The following LPP variants were observed in gnomAD, a reference collection of about 807,000 sequenced individuals.
LPP encodes the protein lipoma-preferred partner.
LPP carries 38 observed loss-of-function variants against 60.4 expected under a neutral mutation model. The ratio of observed to expected loss-of-function variants is 0.63; its 90% CI spans 0.49 to 0.83. The LOEUF is 0.83. Ranked by LOEUF, LPP falls within the 40% of genes least tolerant of loss-of-function variation. The pLI, the probability that LPP is intolerant of heterozygous loss-of-function variation, is 0.00. For synonymous variants in LPP, 328 were observed against 290.8 expected (o/e 1.13, Z -1.30); for missense variants, 902 against 783.6 (o/e 1.15, Z -1.80).
chr3:188,722,145 G>A (rs539841870), intron 8 of LPP, among the ~76,000 whole-genome samples: 17 of 152,202 alleles, frequency 1.1e-4, no homozygotes, highest in African/African-American at 3.4e-4. Flanking sequence ...TTTATGAGAG[G>A]GTCACTGCCT....
intron 6 of LPP, among the ~76,000 whole-genome samples, chr3:188,556,473 G>A (rs1033088029): frequency 6.6e-6 from 1 of 152,020 alleles, no homozygotes; most frequent in Non-Finnish European, 1.5e-5. Flanking sequence ...GTTAGCTCTA[G>A]TGATTAAGAA....
chr3:188,744,705 C>T (rs1477733746), intron 8 of LPP, among the ~76,000 whole-genome samples: 2 of 152,276 alleles, frequency 1.3e-5, no homozygotes, highest in Middle Eastern at 3.4e-3. Flanking sequence ...GCCTCCCAAC[C>T]TCCTTTCCCC....
chr3:188,512,558 T>TATAAATAAATAAATAA lies in LPP; in HGVS notation c.307-12085_307-12070dup, dbSNP rs10663448. Reference sequence around the variant, plus strand: ...TGGGCAACAAGAGCAAAACCCGGTCTATAAATAAATAAATAAATAAATAAA... The same window carrying TATAAATAAATAAATAA: ...TGGGCAACAAGAGCAAAACCCGGTCTATAAATAAATAAATAAATAAATAAATAAATAAATAAATAAA... On this transcript the variant is annotated intron_variant, in intron 5 of 11. Coordinates refer to ENST00000617246, the MANE Select transcript of LPP (RefSeq NM_001375462.1). Among the ~76,000 whole-genome samples the TATAAATAAATAAATAA allele has an allele frequency of 8.9e-3, 1,248 of 140,714 alleles. 10 individuals are homozygous for TATAAATAAATAAATAA. Among genetic ancestry groups the TATAAATAAATAAATAA allele is most frequent in the African/African-American group, 0.012 (445 of 37,774 alleles). 92.3% of individuals were successfully genotyped at this position (140,714 alleles called of 152,430 possible).
At chr3:188,668,460 T>C (rs1856269250) in intron 7 of LPP, among the ~76,000 whole-genome samples, 1 of 152,232 alleles carries the variant, frequency 6.6e-6, no homozygotes, top group Admixed American at 6.5e-5. Context: ...GTTTGGAAGA[T>C]TTGTAGGTGC....
rs2149829747 is a variant in LPP at position 188,274,827 on chromosome 3, A to G, written c.-67+49300A>G. On this transcript the variant is annotated intron_variant, in intron 2 of 11. Coordinates refer to ENST00000617246, the MANE Select transcript of LPP (RefSeq NM_001375462.1). Reference sequence around the variant, plus strand: ...GGATTGGTTGAGACTGACCCTTGTCACTGTTTTGTAATAAGCAGTTTCACC... The same window carrying G: ...GGATTGGTTGAGACTGACCCTTGTCGCTGTTTTGTAATAAGCAGTTTCACC... 1.3e-5 allele frequency among the ~76,000 whole-genome samples: 2 copies of G among 152,316 alleles called. 1 individual carries two copies. The highest frequency in any genetic ancestry group is 3.9e-4 in the East Asian group (2 of 5,186).
intron 8 of LPP, among the ~76,000 whole-genome samples, chr3:188,753,842 C>A (rs894691085): frequency 6.6e-6 from 1 of 151,884 alleles, no homozygotes; most frequent in South Asian, 2.1e-4. Flanking sequence ...ACATTGGAGC[C>A]ACCTTTCCCC....
intron 7 of LPP, among the ~76,000 whole-genome samples, chr3:188,707,926 G>C (rs909236815): frequency 3.9e-5 from 6 of 152,102 alleles, no homozygotes; most frequent in African/African-American, 7.2e-5. Flanking sequence ...TCACTTCACT[G>C]TAAGGTTCAT....
At position 188,351,356 on chromosome 3, in the gene LPP, C is replaced by G. The variant is rs76010761; in HGVS notation, c.-10+9637C>G. Among the ~76,000 whole-genome samples the G allele has an allele frequency of 6.9e-3, 1,045 of 152,244 alleles. 11 individuals are homozygous for G. Among genetic ancestry groups the G allele is most frequent in the African/African-American group, 0.023 (953 of 41,530 alleles). On this transcript the variant is annotated intron_variant, in intron 3 of 11. Coordinates refer to ENST00000617246, the MANE Select transcript of LPP (RefSeq NM_001375462.1). Reference sequence around the variant, plus strand: ...GGAAGAAATGACTTACTTAAATTTGCCTGCATAGTTAGTGGCAGTTCTGCA... The same window carrying G: ...GGAAGAAATGACTTACTTAAATTTGGCTGCATAGTTAGTGGCAGTTCTGCA...
chr3:188,348,694 C>G (rs1301589118), intron 3 of LPP, among the ~76,000 whole-genome samples: 2 of 152,222 alleles, frequency 1.3e-5, no homozygotes, highest in Non-Finnish European at 2.9e-5. Context: ...TCAGATCATA[C>G]TCTAGAACTT....
At chr3:188,698,663 G>A (rs553149632) in intron 7 of LPP, among the ~76,000 whole-genome samples, 15 of 152,268 alleles carry the variant, frequency 9.9e-5, no homozygotes, top group Non-Finnish European at 1.9e-4. Flanking sequence ...TTGCCTACCC[G>A]GCAGGATAAC....
chr3:188,835,858 C>A (rs1758322646), intron 9 of LPP, among the ~76,000 whole-genome samples: 1 of 152,110 alleles, frequency 6.6e-6, no homozygotes, highest in Admixed American at 6.5e-5. Context: ...AGCCTTCTGC[C>A]CAGTCTTTAT....
At chr3:188,521,231 G>C (rs1207585895) in intron 5 of LPP, among the ~76,000 whole-genome samples, 1 of 152,148 alleles carries the variant, frequency 6.6e-6, no homozygotes, top group Admixed American at 6.5e-5. Flanking sequence ...AAATCACACA[G>C]CATTAGACTG....
chr3:188,664,295 C>T (rs1855274061), intron 7 of LPP, among the ~76,000 whole-genome samples: 2 of 152,180 alleles, frequency 1.3e-5, no homozygotes, highest in Non-Finnish European at 2.9e-5. Context: ...AGAGATAAAG[C>T]TCTGTGAAGA....
At position 188,887,094 on chromosome 3, in the gene LPP, G is replaced by A. The variant is rs1039720367; in HGVS notation, c.*12615G>A. 4 of 229,350 alleles carry A rather than the reference G, an allele frequency of 1.7e-5. No homozygotes were observed. Among genetic ancestry groups the A allele is most frequent in the East Asian group, 6.2e-5 (1 of 16,102 alleles). The allele number at this position is 229,350 out of a possible 1,614,324, so 14.2% of individuals were successfully genotyped here. A position where few individuals can be genotyped will look rare whatever the true frequency, so the allele number is the denominator to read the frequency against. On this transcript the variant is annotated 3_prime_UTR_variant, in exon 12 of 12. Transcript: ENST00000617246. ...TATGGTGCCTGCTGTGCTTTATCCC[G>A]AGGCATAGCAGTAATCGTTACTATC... is the stretch of plus-strand genomic sequence containing the variant.
intron 9 of LPP, among the ~76,000 whole-genome samples, chr3:188,845,638 T>C (rs527237708): frequency 3.9e-5 from 6 of 152,296 alleles, no homozygotes; most frequent in African/African-American, 1.4e-4. Flanking sequence ...CTCTGGTATA[T>C]ATGCTGTGTA....
intron 2 of LPP, among the ~76,000 whole-genome samples, chr3:188,241,197 T>G (rs569438538): frequency 6.6e-6 from 1 of 152,300 alleles, no homozygotes; most frequent in Admixed American, 6.5e-5. Context: ...TGGATAGAAC[T>G]ACTGATATAG....
chr3:188,859,736 A>C (rs2151935491), intron 9 of LPP, among the ~76,000 whole-genome samples: 1 of 152,352 alleles, frequency 6.6e-6, no homozygotes, highest in East Asian at 1.9e-4. Context: ...CCAAAAGATT[A>C]ACAAAAAAAG....
intron 4 of LPP, among the ~76,000 whole-genome samples, chr3:188,470,560 A>G (rs532456158): frequency 6.6e-6 from 1 of 152,286 alleles, no homozygotes; most frequent in East Asian, 1.9e-4. Context: ...CAGGGAGCAC[A>G]CAGTTTAGTG....
intron 2 of LPP, among the ~76,000 whole-genome samples, chr3:188,231,512 C>T (rs1719945515): frequency 6.6e-6 from 1 of 152,088 alleles, no homozygotes; most frequent in Admixed American, 6.5e-5. Flanking sequence ...TGTTCCCTTA[C>T]CTCTGTATTT....
Sources: allele counts gnomAD v4.1 joint callset (sites outside exome capture counted in the v4.1 genomes callset), GRCh38; gene constraint gnomAD v4.1.1; transcripts MANE v1.5; gene names NCBI Gene and HGNC (gene_info 2026-07-23, HGNC 2026-07-21).